The following SOX5 variants were observed in gnomAD, a reference collection of about 807,000 sequenced individuals.
The protein encoded by SOX5 is transcription factor SOX-5.
A neutral mutation model predicts 92.0 loss-of-function variants in SOX5; 9 were observed. The observed-to-expected ratio is 0.10, with a 90% CI of 0.06 to 0.17. The LOEUF (loss-of-function observed/expected upper bound fraction) is 0.17. Among genes scored for constraint, SOX5 ranks in the 10% least tolerant of loss-of-function variants. The pLI, the probability that SOX5 is intolerant of heterozygous loss-of-function variation, is 1.00. For missense variants in SOX5, 642 were observed against 944.5 expected, an observed-to-expected ratio of 0.68 and a Z score of 4.20; for synonymous variants, 344 against 336.3, an observed-to-expected ratio of 1.02 and a Z score of -0.25.
At chr12:23,934,709 A>G (rs1490744245) in intron 1 of SOX5, among the ~76,000 whole-genome samples, 1 of 151,206 alleles carries the variant, frequency 6.6e-6, no homozygotes, top group African/African-American at 2.4e-5. Flanking sequence ...TACATGATTA[A>G]CATCTGTTAA....
At chr12:23,576,582 T>C (rs2136711773) in intron 9 of SOX5, among the ~76,000 whole-genome samples, 1 of 152,302 alleles carries the variant, frequency 6.6e-6, no homozygotes, top group African/African-American at 2.4e-5. Flanking sequence ...GTCACGAAGA[T>C]CATGTGATCA....
At chr12:24,150,883 GA>G (rs577766396) in intron 4 of SOX5, among the ~76,000 whole-genome samples, 12 of 146,992 alleles carry the variant, frequency 8.2e-5, no homozygotes, top group East Asian at 4.0e-4. Context: ...TAAATTTTTT[GA>G]AAAAAAAAAG....
chr12:23,735,577 A>C (rs1457569845), intron 5 of SOX5, among the ~76,000 whole-genome samples: 2 of 152,046 alleles, frequency 1.3e-5, no homozygotes, highest in Non-Finnish European at 2.9e-5. Flanking sequence ...CTTTTCCTTC[A>C]TACTTACTTC....
chr12:24,424,202 T>C (rs1173280226), intron 1 of SOX5, among the ~76,000 whole-genome samples: 4 of 152,084 alleles, frequency 2.6e-5, no homozygotes, highest in South Asian at 2.1e-4. Flanking sequence ...GCTTTAAGAA[T>C]AGATAAAGGA....
chr12:23,724,783 A>G (rs2093026749), intron 6 of SOX5, among the ~76,000 whole-genome samples: 1 of 152,190 alleles, frequency 6.6e-6, no homozygotes, highest in Non-Finnish European at 1.5e-5. Context: ...CCAGGCCATG[A>G]GAATAACCAG....
At chr12:24,171,735 T>C (rs1954198312) in intron 4 of SOX5, among the ~76,000 whole-genome samples, 1 of 152,038 alleles carries the variant, frequency 6.6e-6, no homozygotes, top group Non-Finnish European at 1.5e-5. Context: ...CAGTGGCTCA[T>C]GCCTGTAATC....
At chr12:23,713,048 A>C (rs1013585225) in intron 6 of SOX5, among the ~76,000 whole-genome samples, 1 of 152,216 alleles carries the variant, frequency 6.6e-6, no homozygotes. Context: ...GTATGAAAGA[A>C]TGAGATAATC....
intron 4 of SOX5, among the ~76,000 whole-genome samples, chr12:24,207,956 G>A (rs1229676742): frequency 6.6e-6 from 1 of 152,128 alleles, no homozygotes; most frequent in East Asian, 1.9e-4. Context: ...CATGCCCTCT[G>A]ACAAAAATTT....
intron 12 of SOX5, among the ~76,000 whole-genome samples, chr12:23,545,914 C>G (rs577100628): frequency 2.0e-5 from 3 of 151,698 alleles, no homozygotes; most frequent in African/African-American, 7.3e-5. Flanking sequence ...TTGGCATGCA[C>G]CTATAATCCC....
intron 1 of SOX5, among the ~76,000 whole-genome samples, chr12:23,898,792 T>C (rs1009157731): frequency 2.0e-5 from 3 of 152,338 alleles, no homozygotes; most frequent in Non-Finnish European, 4.4e-5. Flanking sequence ...AATTCCATTT[T>C]CAGAGTGTTA....
chr12:24,171,236 T>TTTTTTGTTTTGTTTTG, intron 4 of SOX5, among the ~76,000 whole-genome samples: 1 of 130,218 alleles, frequency 7.7e-6, no homozygotes, highest in Non-Finnish European at 1.7e-5. Flanking sequence ...TTTGTTTTTT[T>TTTTTTGTTTTGTTTTG]TTTTGGAGAC....
rs191890196 is a variant in SOX5 at position 24,521,114 on chromosome 12, G to A, written c.-251+41215C>T. 2.3e-3 allele frequency among the ~76,000 whole-genome samples: 344 copies of A among 152,278 alleles called. 3 individuals carry two copies. The highest frequency in any genetic ancestry group is 0.017 in the Admixed American group (261 of 15,302). On this transcript the variant is annotated intron_variant, in intron 1 of 4. Coordinates refer to the SOX5 transcript ENST00000446891. ...TGTCCCCCAAGGCTGGAGTGCAATG[G>A]TGCAATCTTGGCTCACTGCAACCTC...
intron 1 of SOX5, among the ~76,000 whole-genome samples, chr12:24,400,889 A>C (rs1961373099): frequency 6.6e-6 from 1 of 152,204 alleles, no homozygotes; most frequent in Admixed American, 6.5e-5. Flanking sequence ...TGTCTAAAAT[A>C]AGTGTTGGCA....
chr12:24,162,947 C>T (rs903310315), intron 4 of SOX5, among the ~76,000 whole-genome samples: 3 of 152,066 alleles, frequency 2.0e-5, no homozygotes, highest in Non-Finnish European at 4.4e-5. Context: ...ATTCATCTGG[C>T]CTTTTTTTGG....
intron 1 of SOX5, among the ~76,000 whole-genome samples, chr12:24,424,155 T>C (rs1966352174): frequency 6.6e-6 from 1 of 152,092 alleles, no homozygotes; most frequent in African/African-American, 2.4e-5. Context: ...TCCAAATTGT[T>C]TAGAAAAGGA....
intron 9 of SOX5, among the ~76,000 whole-genome samples, chr12:23,596,700 TC>T (rs1952518660): frequency 6.6e-6 from 1 of 152,020 alleles, no homozygotes; most frequent in African/African-American, 2.4e-5. Context: ...TATAAATGAT[TC>T]CCCCCAAAAA....
At chr12:24,440,488 A>G (rs1359715959) in intron 1 of SOX5, among the ~76,000 whole-genome samples, 1 of 151,462 alleles carries the variant, frequency 6.6e-6, no homozygotes, top group Non-Finnish European at 1.5e-5. Context: ...TTGCCTTCTT[A>G]CCTTTGCATG....
chr12:23,986,769 G>A (rs946754223), intron 4 of SOX5, among the ~76,000 whole-genome samples: 9 of 152,062 alleles, frequency 5.9e-5, no homozygotes, highest in African/African-American at 2.2e-4. Context: ...GTTCTAGGGT[G>A]GAAAAAATAA....
At chr12:24,454,546 A>G (rs1489726528) in intron 1 of SOX5, among the ~76,000 whole-genome samples, 1 of 152,232 alleles carries the variant, frequency 6.6e-6, no homozygotes, top group Non-Finnish European at 1.5e-5. Context: ...CAGATGCACA[A>G]GTATTTACGG....
Sources: allele counts gnomAD v4.1 joint callset (sites outside exome capture counted in the v4.1 genomes callset), GRCh38; gene constraint gnomAD v4.1.1; transcripts MANE v1.5; gene names NCBI Gene and HGNC (gene_info 2026-07-23, HGNC 2026-07-21).